Variants in SRGAP1 observed in about 807,000 individuals in gnomAD.
The protein encoded by SRGAP1 is SLIT-ROBO Rho GTPase-activating protein 1.
In SRGAP1, 43 loss-of-function variants were observed where a neutral mutation model predicts 121.9. The ratio of observed to expected loss-of-function variants is 0.35; its 90% CI spans 0.28 to 0.46. The LOEUF (loss-of-function observed/expected upper bound fraction) is 0.46. Among genes scored for constraint, SRGAP1 ranks in the 20% least tolerant of loss-of-function variants. SRGAP1 has a pLI of 1.00. For missense variants in SRGAP1, 1,102 were observed against 1,350.9 expected, an observed-to-expected ratio of 0.82 and a Z score of 2.89; for synonymous variants, 447 against 485.4, an observed-to-expected ratio of 0.92 and a Z score of 1.04.
At chr12:63,952,719 T>TA (rs2032337678) in intron 1 of SRGAP1, among the ~76,000 whole-genome samples, 1 of 152,142 alleles carries the variant, frequency 6.6e-6, no homozygotes, top group African/African-American at 2.4e-5. Flanking sequence ...ATGAAGCCCT[T>TA]ACAAAGAGCC....
chr12:64,042,745 ATGAC>A (rs776027740), intron 4 of SRGAP1, 41 bp from the exon 5 acceptor site: 14 of 1,519,108 alleles, frequency 9.2e-6, no homozygotes, highest in Non-Finnish European at 1.2e-5. Context: ...CACTCTCTAA[ATGAC>A]AGACAGACAT....
At chr12:63,993,858 T>G (rs1257659339) in intron 3 of SRGAP1, among the ~76,000 whole-genome samples, 1 of 139,176 alleles carries the variant, frequency 7.2e-6, no homozygotes, top group Non-Finnish European at 1.6e-5. Flanking sequence ...TTCAACAGGT[T>G]AAAAAAAAAA....
chr12:64,126,207 A>G (rs2036685649), intron 19 of SRGAP1, 50 bp downstream of exon 19: 1 of 1,567,992 alleles, frequency 6.4e-7, no homozygotes, highest in Non-Finnish European at 8.7e-7. Context: ...AGAGGACTCC[A>G]GCCATTGTTC....
At chr12:63,893,322 A>G (rs1368201198) in intron 1 of SRGAP1, among the ~76,000 whole-genome samples, 2 of 152,216 alleles carry the variant, frequency 1.3e-5, no homozygotes, top group Non-Finnish European at 2.9e-5. Flanking sequence ...AAGAAAGCCA[A>G]GCTTTGCAAA....
At chr12:63,987,919 A>G (rs2033460457) in intron 2 of SRGAP1, among the ~76,000 whole-genome samples, 1 of 152,306 alleles carries the variant, frequency 6.6e-6, no homozygotes, top group East Asian at 1.9e-4. Flanking sequence ...AGTGATTCTC[A>G]TGAACAATCT....
rs539528218 is a variant in SRGAP1, at chr12:63,845,310, G to A, written c.67+427G>A. Among the ~76,000 whole-genome samples, 72 of 152,232 alleles carry A rather than the reference G, an allele frequency of 4.7e-4. 1 individual carries two copies. The highest frequency in any genetic ancestry group is 1.6e-3 in the African/African-American group (65 of 41,524). The stretch of plus-strand genomic sequence containing the variant: ...TTTGTAAAGTCTGTGAACCCCAAGC[G>A]GTCTACAGCCTCATTGAGTGCAGGC... On this transcript the variant is annotated intron_variant, in intron 1 of 21. Coordinates refer to ENST00000355086, the MANE Select transcript of SRGAP1 (RefSeq NM_020762.4).
intron 12 of SRGAP1, chr12:64,091,994 T>C (rs2036061992): frequency 2.4e-6 from 3 of 1,272,220 alleles, no homozygotes; most frequent in Non-Finnish European, 3.3e-6. Flanking sequence ...GTGCTCATGC[T>C]TGGCTTTAAT....
intron 17 of SRGAP1, among the ~76,000 whole-genome samples, chr12:64,115,344 A>G (rs1414112568): frequency 1.3e-5 from 2 of 152,312 alleles, no homozygotes; most frequent in East Asian, 3.9e-4. Context: ...TGTATCTAAT[A>G]TATATTCCTG....
In SRGAP1 at chr12:64,153,445, C is replaced by T. The variant is rs553439888; in HGVS notation, c.*10773C>T. 1.3e-5 allele frequency: 2 copies of T among 150,520 alleles called. No homozygotes were observed. Among genetic ancestry groups the T allele is most frequent in the East Asian group, 3.9e-4 (2 of 5,130 alleles). 9.3% of individuals were successfully genotyped at this position (150,520 alleles called of 1,614,324 possible). On this transcript the variant is annotated 3_prime_UTR_variant, in exon 22 of 22. Coordinates refer to ENST00000355086, the MANE Select transcript of SRGAP1 (RefSeq NM_020762.4). Reference sequence around the variant, plus strand: ...CCGAGATTGTGCCACTGCACTACAGCCTGGGCGGCACAGTGAGACTCCATC... The same window carrying T: ...CCGAGATTGTGCCACTGCACTACAGTCTGGGCGGCACAGTGAGACTCCATC...
At chr12:64,078,360 C>G (rs1198464756) in intron 8 of SRGAP1, among the ~76,000 whole-genome samples, 1 of 152,130 alleles carries the variant, frequency 6.6e-6, no homozygotes, top group Non-Finnish European at 1.5e-5. Context: ...GAGTGTATCT[C>G]ACGTTGAGCA....
intron 8 of SRGAP1, among the ~76,000 whole-genome samples, chr12:64,066,378 A>G (rs1192446246): frequency 1.3e-5 from 2 of 152,188 alleles, no homozygotes; most frequent in African/African-American, 2.4e-5. Context: ...TCATTGGCCA[A>G]CCTGGAGAAT....
intron 1 of SRGAP1, chr12:63,887,235 A>G (rs1900417085): frequency 6.6e-6 from 1 of 152,198 alleles, no homozygotes; most frequent in Non-Finnish European, 1.5e-5. Context: ...AAGGCAACTC[A>G]CTTCCGTTTT....
At chr12:63,895,783 C>G (rs78518595) in intron 1 of SRGAP1, among the ~76,000 whole-genome samples, 12,345 of 152,218 alleles carry the variant, frequency 0.081, 561 homozygotes, top group East Asian at 0.13. Context: ...TTGTTAACTT[C>G]GTTAGCAACT....
chr12:63,935,482 A>T (rs1379625594), intron 1 of SRGAP1, among the ~76,000 whole-genome samples: 1 of 152,216 alleles, frequency 6.6e-6, no homozygotes. Flanking sequence ...TGAGAATCAT[A>T]TGTTCTAAAA....
chr12:64,116,343 G>A (rs1401489200), intron 18 of SRGAP1, among the ~76,000 whole-genome samples: 2 of 147,656 alleles, frequency 1.4e-5, no homozygotes, highest in Admixed American at 6.7e-5. Flanking sequence ...GAAAACCAAT[G>A]AAACCACCAC....
At chr12:63,873,409 T>C (rs1241529025) in intron 1 of SRGAP1, among the ~76,000 whole-genome samples, 1 of 151,642 alleles carries the variant, frequency 6.6e-6, no homozygotes, top group Non-Finnish European at 1.5e-5. Context: ...GGCGCATGCC[T>C]GTAATCCCAG....
At chr12:64,055,934 A>C (rs908377198) in intron 6 of SRGAP1, among the ~76,000 whole-genome samples, 5 of 152,094 alleles carry the variant, frequency 3.3e-5, no homozygotes, top group African/African-American at 1.2e-4. Flanking sequence ...TGGGCTCCAG[A>C]TTTGTACATC....
At chr12:64,018,437 G>A (rs763393427) in intron 4 of SRGAP1, among the ~76,000 whole-genome samples, 2 of 151,994 alleles carry the variant, frequency 1.3e-5, no homozygotes, top group Non-Finnish European at 2.9e-5. Flanking sequence ...TTGAAAGCAC[G>A]TTTCTTGATT....
intron 1 of SRGAP1, among the ~76,000 whole-genome samples, chr12:63,961,712 G>A (rs1165319833): frequency 6.6e-6 from 1 of 152,156 alleles, no homozygotes; most frequent in Non-Finnish European, 1.5e-5. Flanking sequence ...ATGAGTACTA[G>A]AATTCCACAG....
Sources: allele counts gnomAD v4.1 joint callset (sites outside exome capture counted in the v4.1 genomes callset), GRCh38; gene constraint gnomAD v4.1.1; transcripts MANE v1.5; gene names NCBI Gene and HGNC (gene_info 2026-07-23, HGNC 2026-07-21).